The following TRHDE variants were observed in gnomAD, a reference collection of about 807,000 sequenced individuals.
TRHDE encodes thyrotropin-releasing hormone-degrading ectoenzyme.
TRHDE carries 72 observed loss-of-function variants against 125.7 expected under a neutral mutation model. The ratio of observed to expected loss-of-function variants is 0.57; its 90% CI spans 0.47 to 0.70. TRHDE has a LOEUF of 0.70. Ranked by LOEUF, TRHDE falls within the 30% of genes least tolerant of loss-of-function variation. The pLI, the probability that TRHDE is intolerant of heterozygous loss-of-function variation, is 0.00. For missense variants in TRHDE, 1,110 were observed against 1,327.1 expected (o/e 0.84, Z 2.54); for synonymous variants, 509 against 509.1 (o/e 1.00, Z 0.00).
At chr12:72,111,316 G>T (rs993661806) in intron 2 of TRHDE, among the ~76,000 whole-genome samples, 1 of 152,120 alleles carries the variant, frequency 6.6e-6, no homozygotes, top group Admixed American at 6.6e-5. Context: ...GGTGATAAAG[G>T]ACTGTAAGCA....
intron 12 of TRHDE, among the ~76,000 whole-genome samples, chr12:72,605,368 C>A (rs536450405): frequency 4.9e-4 from 74 of 152,128 alleles, no homozygotes; most frequent in Middle Eastern, 3.4e-3. Flanking sequence ...ATACTCCTTG[C>A]GACTCAATGT....
At chr12:72,211,892 T>A (rs1195659419) in intron 2 of TRHDE, among the ~76,000 whole-genome samples, 1 of 152,174 alleles carries the variant, frequency 6.6e-6, no homozygotes, top group Non-Finnish European at 1.5e-5. Context: ...GCTGAAACAC[T>A]TGAAGTTCAG....
At chr12:72,390,111 G>C (rs776772200) in intron 3 of TRHDE, among the ~76,000 whole-genome samples, 4 of 152,180 alleles carry the variant, frequency 2.6e-5, no homozygotes, top group Non-Finnish European at 5.9e-5. Context: ...GTTTTCCCAT[G>C]TGGTTTACTT....
chr12:72,396,066 G>T (rs941838451), intron 3 of TRHDE, among the ~76,000 whole-genome samples: 2 of 151,984 alleles, frequency 1.3e-5, no homozygotes, highest in African/African-American at 4.8e-5. Context: ...CTCCAAAATG[G>T]TCTTGACCCT....
intron 6 of TRHDE, among the ~76,000 whole-genome samples, chr12:72,505,188 A>C (rs932493269): frequency 6.6e-6 from 1 of 152,192 alleles, no homozygotes; most frequent in African/African-American, 2.4e-5. Flanking sequence ...CCATTATTAA[A>C]AGAATAAAAA....
intron 2 of TRHDE, among the ~76,000 whole-genome samples, chr12:72,153,679 G>A (rs1876427093): frequency 6.6e-6 from 1 of 152,044 alleles, no homozygotes; most frequent in Non-Finnish European, 1.5e-5. Flanking sequence ...GGAGCAGGTT[G>A]TTCAGTTTCC....
At chr12:72,448,624 T>A (rs1472959537) in intron 3 of TRHDE, among the ~76,000 whole-genome samples, 4 of 152,018 alleles carry the variant, frequency 2.6e-5, no homozygotes, top group Admixed American at 2.6e-4. Flanking sequence ...CCGTTATGTA[T>A]TATGTTCTGA....
At chr12:72,138,892 A>G (rs1468119695) in intron 2 of TRHDE, among the ~76,000 whole-genome samples, 2 of 152,190 alleles carry the variant, frequency 1.3e-5, no homozygotes, top group African/African-American at 2.4e-5. Context: ...CAACACTTTT[A>G]TGGTGAAGTT....
intron 13 of TRHDE, among the ~76,000 whole-genome samples, 158 bp downstream of exon 13, chr12:72,619,196 C>T (rs561955607): frequency 6.6e-6 from 1 of 152,154 alleles, no homozygotes; most frequent in South Asian, 2.1e-4. Flanking sequence ...ACACAGATGA[C>T]AATTATTTGA....
intron 5 of TRHDE, 21 bp from the exon 6 acceptor site, chr12:72,499,477 G>T: frequency 6.2e-7 from 1 of 1,611,988 alleles, no homozygotes; most frequent in Non-Finnish European, 8.5e-7. Context: ...CTATGATATT[G>T]CCCCGTCTGC....
At chr12:72,185,115 G>C (rs2139344181) in intron 2 of TRHDE, among the ~76,000 whole-genome samples, 1 of 152,308 alleles carries the variant, frequency 6.6e-6, no homozygotes, top group Middle Eastern at 3.4e-3. Flanking sequence ...GCGTGGGCTT[G>C]GCGGGCCCGC....
chr12:72,207,897 A>C (rs1243977370), intron 2 of TRHDE, among the ~76,000 whole-genome samples: 1 of 152,138 alleles, frequency 6.6e-6, no homozygotes, highest in African/African-American at 2.4e-5. Flanking sequence ...GTTCTTATAA[A>C]GTCTGAAGAA....
chr12:72,661,409 A>G (rs1592602065), intron 18 of TRHDE, among the ~76,000 whole-genome samples: 2 of 152,160 alleles, frequency 1.3e-5, no homozygotes, highest in East Asian at 3.9e-4. Flanking sequence ...AATAATTCAG[A>G]ATATACTTTA....
At chr12:72,470,597 C>T (rs17111217) in intron 4 of TRHDE, among the ~76,000 whole-genome samples, 6,158 of 152,222 alleles carry the variant, frequency 0.04, 449 homozygotes, top group African/African-American at 0.14. Context: ...TGAAAATAGA[C>T]GTCCATGCCA....
intron 1 of TRHDE, among the ~76,000 whole-genome samples, chr12:72,091,301 T>C (rs1056793482): frequency 1.3e-5 from 2 of 152,222 alleles, no homozygotes; most frequent in African/African-American, 4.8e-5. Flanking sequence ...TATATGGTTA[T>C]GCACATAAAT....
chr12:72,536,873 C>T (rs1868887702), intron 6 of TRHDE, among the ~76,000 whole-genome samples: 1 of 152,032 alleles, frequency 6.6e-6, no homozygotes, highest in African/African-American at 2.4e-5. Context: ...ATTAGGTTTT[C>T]CTTCTTCCTC....
At chr12:72,124,319 T>G (rs1875661655) in intron 2 of TRHDE, among the ~76,000 whole-genome samples, 1 of 152,202 alleles carries the variant, frequency 6.6e-6, no homozygotes, top group Non-Finnish European at 1.5e-5. Flanking sequence ...CCAAATAACT[T>G]TTTTTGTTCA....
chr12:72,354,291 G>C (rs1461242567), intron 2 of TRHDE, among the ~76,000 whole-genome samples: 1 of 151,558 alleles, frequency 6.6e-6, no homozygotes, highest in East Asian at 1.9e-4. Context: ...TTGATGAATA[G>C]AAAGTACATG....
At chr12:72,434,109 G>A (rs1874625335) in intron 3 of TRHDE, among the ~76,000 whole-genome samples, 1 of 152,114 alleles carries the variant, frequency 6.6e-6, no homozygotes, top group Non-Finnish European at 1.5e-5. Context: ...TCTTGGCCAG[G>A]CACAGTGGCT....
Sources: allele counts gnomAD v4.1 joint callset (sites outside exome capture counted in the v4.1 genomes callset), GRCh38; gene constraint gnomAD v4.1.1; transcripts MANE v1.5; gene names NCBI Gene and HGNC (gene_info 2026-07-23, HGNC 2026-07-21).